Variants in ACBD6 observed in about 807,000 individuals in gnomAD.
The protein encoded by ACBD6 is acyl-CoA binding domain containing 6.
ACBD6 carries 28 observed loss-of-function variants against 37.2 expected under a neutral mutation model. That is an observed-to-expected ratio of 0.75 (90% CI 0.56 to 1.03). ACBD6 has a LOEUF of 1.03. Among genes scored for constraint, ACBD6 ranks in the 50% least tolerant of loss-of-function variants. The pLI, the probability that ACBD6 is intolerant of heterozygous loss-of-function variation, is 0.00. For missense variants in ACBD6, 340 were observed against 337.4 expected, an observed-to-expected ratio of 1.01 and a Z score of -0.06; for synonymous variants, 113 against 126.8, an observed-to-expected ratio of 0.89 and a Z score of 0.73.
chr1:180,445,883 C>G (rs1187665740), intron 3 of ACBD6, among the ~76,000 whole-genome samples: 28 of 152,148 alleles, frequency 1.8e-4, no homozygotes, highest in Admixed American at 1.8e-3. Flanking sequence ...ACACCAAGAT[C>G]CTTTGATATT....
intron 7 of ACBD6, among the ~76,000 whole-genome samples, chr1:180,290,686 T>C (rs768618827): frequency 2.0e-5 from 3 of 152,140 alleles, no homozygotes; most frequent in Non-Finnish European, 2.9e-5. Context: ...GGTAGTAAGA[T>C]GTAAGATGAG....
chr1:180,329,817 G>A (rs886984971), intron 6 of ACBD6, among the ~76,000 whole-genome samples: 1 of 152,096 alleles, frequency 6.6e-6, no homozygotes, highest in Admixed American at 6.6e-5. Context: ...TGCCATCAGT[G>A]TCACCACAAA....
Position 180,480,931 on chromosome 1 carries a change from T to C in ACBD6, c.384+11338A>G, listed in dbSNP as rs148157106. Among the ~76,000 whole-genome samples the C allele has an allele frequency of 5.1e-3, 772 of 151,314 alleles. 5 individuals carry two copies. Among genetic ancestry groups the C allele is most frequent in the African/African-American group, 0.018 (731 of 41,122 alleles). ...CTGTAGTCCCAGCTATCCAGGAGGC[T>C]GAGGCAGGAGAATTGCTGGAACCCG... is the stretch of plus-strand genomic sequence containing the variant. On this transcript the variant is annotated intron_variant, in intron 3 of 7. Coordinates refer to ENST00000367595, the MANE Select transcript of ACBD6 (RefSeq NM_032360.4).
chr1:180,398,972 T>C (rs1474163753), intron 5 of ACBD6, among the ~76,000 whole-genome samples: 1 of 152,200 alleles, frequency 6.6e-6, no homozygotes, highest in Non-Finnish European at 1.5e-5. Flanking sequence ...CTTTTTATCA[T>C]TCAGACTTTC....
intron 1 of ACBD6, among the ~76,000 whole-genome samples, chr1:180,496,832 C>G (rs936149857): frequency 6.6e-6 from 1 of 152,106 alleles, no homozygotes; most frequent in Non-Finnish European, 1.5e-5. Flanking sequence ...TCACGATAGA[C>G]CAAACACTTC....
chr1:180,356,361 G>A (rs568081073), intron 6 of ACBD6, among the ~76,000 whole-genome samples: 48 of 151,598 alleles, frequency 3.2e-4, no homozygotes, highest in African/African-American at 9.7e-4. Context: ...TTGTAGAGAT[G>A]GGGTTTTACC....
At chr1:180,313,773 C>T (rs544771129) in intron 7 of ACBD6, among the ~76,000 whole-genome samples, 3 of 152,170 alleles carry the variant, frequency 2.0e-5, no homozygotes, top group Non-Finnish European at 4.4e-5. Context: ...TTGAGTGATC[C>T]TCCTGCCTCA....
At chr1:180,462,377 T>C (rs1650181396) in intron 3 of ACBD6, among the ~76,000 whole-genome samples, 1 of 151,970 alleles carries the variant, frequency 6.6e-6, no homozygotes, top group Non-Finnish European at 1.5e-5. Flanking sequence ...AGGCTCAAAA[T>C]AAAGGGATGG....
intron 6 of ACBD6, among the ~76,000 whole-genome samples, chr1:180,341,500 A>T (rs1464239213): frequency 1.3e-5 from 2 of 152,132 alleles, no homozygotes. Flanking sequence ...TTGCATTATC[A>T]GTTTTCCCTA....
At position 180,381,392 on chromosome 1, in the gene ACBD6, T is replaced by G. The variant is rs769756489; in HGVS notation, c.663+16124A>C. On this transcript the variant is annotated intron_variant, in intron 6 of 7. Coordinates refer to ENST00000367595, the MANE Select transcript of ACBD6 (RefSeq NM_032360.4). ...CTTAAGAGATATTTACAGAACGTTT[T>G]GTCCAACAGCTACAAAATACACATT... 3.3e-4 allele frequency among the ~76,000 whole-genome samples: 50 copies of G among 152,240 alleles called. 1 individual carries two copies. The highest frequency in any genetic ancestry group is 7.1e-4 in the Non-Finnish European group (48 of 68,046).
At chr1:180,294,583 TTTAAG>T (rs1000124916) in intron 7 of ACBD6, among the ~76,000 whole-genome samples, 57 of 152,210 alleles carry the variant, frequency 3.7e-4, no homozygotes, top group African/African-American at 9.9e-4. Context: ...GTCCATTTCA[TTTAAG>T]TTATCTATTT....
chr1:180,314,669 TTAA>T lies in ACBD6; in HGVS notation c.694+20_694+22del. 6.6e-7 allele frequency: 1 copy of T among 1,504,780 alleles called. No homozygotes were observed. The allele number at this position is 1,504,780 out of a possible 1,614,324, so 93.2% of individuals were successfully genotyped here. A position where few individuals can be genotyped will look rare whatever the true frequency, so the allele number is the denominator to read the frequency against. ...AGAGAATATGTTCAAATATGATTACTTAATAATTTAGAAACTTCTTACCATAAT... is the reference window on the plus strand; with the variant it reads ...AGAGAATATGTTCAAATATGATTACTTAATTTAGAAACTTCTTACCATAAT... On this transcript the variant is annotated intron_variant, in intron 7 of 7. Transcript: ENST00000367595.
chr1:180,375,989 A>T (rs4483365), intron 6 of ACBD6, among the ~76,000 whole-genome samples: 174 of 152,036 alleles, frequency 1.1e-3, no homozygotes, highest in Non-Finnish European at 1.9e-3. Flanking sequence ...ACTGAGTCAC[A>T]AAAGGCCAAA....
chr1:180,377,939 C>T (rs576562852), intron 6 of ACBD6, among the ~76,000 whole-genome samples: 4 of 126,706 alleles, frequency 3.2e-5, no homozygotes, highest in East Asian at 4.6e-4. Context: ...AAGAACAAAA[C>T]TCTGTCTCAA....
At chr1:180,396,692 C>T (rs941199242) in intron 6 of ACBD6, among the ~76,000 whole-genome samples, 7 of 152,124 alleles carry the variant, frequency 4.6e-5, no homozygotes, top group African/African-American at 1.7e-4. Flanking sequence ...TGAAAAGGTA[C>T]TCCATATCAT....
At chr1:180,271,059 T>C (rs1648619390) in exon 14 of ACBD6, 2 of 411,130 alleles carry the variant, frequency 4.9e-6, no homozygotes, top group South Asian at 4.2e-5. Flanking sequence ...AGAGTGTTTG[T>C]CATGACAGGG....
At chr1:180,397,870 T>C (rs55675122) in intron 5 of ACBD6, among the ~76,000 whole-genome samples, 9,607 of 152,062 alleles carry the variant, frequency 0.063, 932 homozygotes, top group African/African-American at 0.21. Flanking sequence ...CTGGCCAACA[T>C]GGTGAAACCC....
chr1:180,322,615 CTCTAGATTT>C (rs1651114822), intron 6 of ACBD6, among the ~76,000 whole-genome samples: 1 of 151,866 alleles, frequency 6.6e-6, no homozygotes, highest in African/African-American at 2.4e-5. Flanking sequence ...TCCCCATTTT[CTCTAGATTT>C]TCTAATTTAT....
chr1:180,501,972 T>TGC (rs1018964003), intron 1 of ACBD6, 73 bp downstream of exon 1: 18 of 1,427,546 alleles, frequency 1.3e-5, no homozygotes, highest in Non-Finnish European at 1.6e-5. Context: ...TAACCATACA[T>TGC]GCTTGCTATC....
Sources: gnomAD v4.1 joint callset for allele counts (sites outside exome capture counted in the v4.1 genomes callset) on GRCh38, gnomAD v4.1.1 for gene constraint, MANE v1.5 for transcripts, NCBI Gene and HGNC (gene_info 2026-07-23, HGNC 2026-07-21) for gene names.